The following GPC5 variants were observed in gnomAD, a reference collection of about 807,000 sequenced individuals.
The protein encoded by GPC5 is glypican-5.
GPC5 carries 47 observed loss-of-function variants against 53.9 expected under a neutral mutation model. The observed-to-expected ratio is 0.87, with a 90% CI of 0.69 to 1.11. The LOEUF (loss-of-function observed/expected upper bound fraction) is 1.11. GPC5 is among the 50% of genes most tolerant of loss of function. The pLI is 0.00. For missense variants in GPC5, 748 were observed against 713.1 expected (o/e 1.05, Z -0.56); for synonymous variants, 286 against 263.3 (o/e 1.09, Z -0.84).
chr13:91,845,892 T>C (rs974913285), intron 5 of GPC5, among the ~76,000 whole-genome samples: 1 of 152,158 alleles, frequency 6.6e-6, no homozygotes, highest in Non-Finnish European at 1.5e-5. Context: ...AAGCTTTTGT[T>C]TTCTCATCAG....
intron 7 of GPC5, among the ~76,000 whole-genome samples, chr13:92,696,186 G>T (rs1416544954): frequency 6.6e-6 from 1 of 152,134 alleles, no homozygotes; most frequent in Admixed American, 6.5e-5. Flanking sequence ...ACAGCAGCAT[G>T]ATTTATAATC....
intron 4 of GPC5, among the ~76,000 whole-genome samples, chr13:91,733,502 A>G (rs1010629797): frequency 6.6e-6 from 1 of 152,098 alleles, no homozygotes; most frequent in Non-Finnish European, 1.5e-5. Context: ...GTCTTATTTC[A>G]TTGAGCAGTG....
At chr13:92,596,907 G>A (rs909082438) in intron 7 of GPC5, among the ~76,000 whole-genome samples, 3 of 152,142 alleles carry the variant, frequency 2.0e-5, no homozygotes, top group African/African-American at 7.2e-5. Flanking sequence ...TCCTCAGAAA[G>A]CACACAGATT....
At chr13:92,839,534 A>G (rs1006953891) in intron 7 of GPC5, among the ~76,000 whole-genome samples, 2 of 148,554 alleles carry the variant, frequency 1.3e-5, no homozygotes, top group South Asian at 4.4e-4. Flanking sequence ...GCTCCCACTT[A>G]TAAGTGAAAA....
At position 91,846,095 on chromosome 13, in the gene GPC5, T is replaced by C. The variant is rs567556557; in HGVS notation, c.1281-61842T>C. ...AAATGAACATATGGGACACTTTCTTTGCAGAAAGAGTTGTGGGGCTCCCTC... is the reference window on the plus strand; with the variant it reads ...AAATGAACATATGGGACACTTTCTTCGCAGAAAGAGTTGTGGGGCTCCCTC... On this transcript the variant is annotated intron_variant, in intron 5 of 7. Coordinates refer to ENST00000377067, the MANE Select transcript of GPC5 (RefSeq NM_004466.6). 2.8e-3 allele frequency among the ~76,000 whole-genome samples: 420 copies of C among 152,282 alleles called. 2 individuals are homozygous for C. The highest frequency in any genetic ancestry group is 9.8e-3 in the African/African-American group (406 of 41,560).
At chr13:91,625,271 A>G (rs1029330875) in intron 2 of GPC5, among the ~76,000 whole-genome samples, 4 of 152,040 alleles carry the variant, frequency 2.6e-5, no homozygotes, top group African/African-American at 7.2e-5. Context: ...CTATATATGC[A>G]TAGCACAGGA....
intron 7 of GPC5, among the ~76,000 whole-genome samples, chr13:92,305,200 C>T (rs561699574): frequency 2.6e-5 from 4 of 152,194 alleles, no homozygotes; most frequent in South Asian, 4.1e-4. Flanking sequence ...ACACACATCA[C>T]CGTCCCTTCA....
chr13:92,183,916 T>G lies in GPC5; in HGVS notation c.1561+38927T>G, dbSNP rs562890036. On this transcript the variant is annotated intron_variant, in intron 7 of 7. Transcript: ENST00000377067. ...TTTAGTTTACCAATTTTCTCTTTGA[T>G]CTTATCTAATAGGGTATTTTAATCC... 7.2e-5 allele frequency among the ~76,000 whole-genome samples: 11 copies of G among 152,170 alleles called. No individual in the cohort carries two copies. The South Asian group carries it at 2.3e-3, about 32-fold the overall frequency.
intron 2 of GPC5, among the ~76,000 whole-genome samples, chr13:91,566,626 AG>A (rs2031543471): frequency 6.6e-6 from 1 of 152,140 alleles, no homozygotes; most frequent in South Asian, 2.1e-4. Flanking sequence ...TTGAATGGCT[AG>A]TATGTGAGTA....
intron 7 of GPC5, among the ~76,000 whole-genome samples, chr13:92,533,756 AAAGT>A (rs1348625255): frequency 6.6e-6 from 1 of 152,188 alleles, no homozygotes; most frequent in Non-Finnish European, 1.5e-5. Context: ...TAGACAGAGG[AAAGT>A]AAGATTAATG....
chr13:91,656,970 G>T (rs2034860263), intron 2 of GPC5, among the ~76,000 whole-genome samples: 1 of 152,156 alleles, frequency 6.6e-6, no homozygotes, highest in Admixed American at 6.6e-5. Context: ...GTTTGTAATG[G>T]GAGAGACCTG....
intron 7 of GPC5, among the ~76,000 whole-genome samples, chr13:92,357,328 C>T (rs1385351611): frequency 6.6e-6 from 1 of 151,734 alleles, no homozygotes; most frequent in Non-Finnish European, 1.5e-5. Context: ...TTCACACTCC[C>T]ACCAACAGAG....
At chr13:92,271,016 T>C (rs1352105800) in intron 7 of GPC5, among the ~76,000 whole-genome samples, 1 of 152,220 alleles carries the variant, frequency 6.6e-6, no homozygotes, top group African/African-American at 2.4e-5. Flanking sequence ...CAAAAAGACA[T>C]AGAGGCTCTA....
At chr13:91,894,381 T>C (rs2039419522) in intron 5 of GPC5, among the ~76,000 whole-genome samples, 1 of 152,232 alleles carries the variant, frequency 6.6e-6, no homozygotes, top group South Asian at 2.1e-4. Context: ...TTGAAGGTTC[T>C]ACATGTTAAG....
intron 5 of GPC5, among the ~76,000 whole-genome samples, chr13:91,824,555 T>C (rs1470512881): frequency 6.6e-6 from 1 of 152,134 alleles, no homozygotes; most frequent in Non-Finnish European, 1.5e-5. Flanking sequence ...ACTTTAAGTT[T>C]TTCAGCTTTA....
At chr13:92,384,292 C>A (rs891867311) in intron 7 of GPC5, among the ~76,000 whole-genome samples, 1 of 152,210 alleles carries the variant, frequency 6.6e-6, no homozygotes, top group East Asian at 1.9e-4. Flanking sequence ...TCAATCCCAT[C>A]TTCCTGCTGC....
chr13:91,892,931 C>T (rs1242646585), intron 5 of GPC5, among the ~76,000 whole-genome samples: 2 of 151,872 alleles, frequency 1.3e-5, no homozygotes, highest in East Asian at 1.9e-4. Context: ...TAACTAGCTA[C>T]TTATGAAAAC....
chr13:92,597,564 C>G (rs1883922249), intron 7 of GPC5, among the ~76,000 whole-genome samples: 1 of 151,986 alleles, frequency 6.6e-6, no homozygotes, highest in Non-Finnish European at 1.5e-5. Context: ...GAATCAGGCT[C>G]TCCCCCTTTT....
chr13:92,512,346 G>A (rs2138954427), intron 7 of GPC5, among the ~76,000 whole-genome samples: 1 of 152,106 alleles, frequency 6.6e-6, no homozygotes, highest in African/African-American at 2.4e-5. Flanking sequence ...TGACAAGTGG[G>A]GAGAAGCTAC....
Sources: allele counts gnomAD v4.1 joint callset (sites outside exome capture counted in the v4.1 genomes callset), GRCh38; gene constraint gnomAD v4.1.1; transcripts MANE v1.5; gene names NCBI Gene and HGNC (gene_info 2026-07-23, HGNC 2026-07-21).